Variants in NEO1 observed in about 807,000 individuals in gnomAD.
NEO1 encodes neogenin.
A neutral mutation model predicts 159.7 loss-of-function variants in NEO1; 63 were observed. The observed-to-expected ratio is 0.39, with a 90% CI of 0.32 to 0.49. The LOEUF is 0.49. Ranked by LOEUF, NEO1 falls within the 20% of genes least tolerant of loss-of-function variation. NEO1 has a pLI of 0.85. For synonymous variants in NEO1, 633 were observed against 662.0 expected (o/e 0.96, Z 0.67); for missense variants, 1,615 against 1,831.0 (o/e 0.88, Z 2.15).
At chr15:73,104,001 C>T (rs1009269987) in intron 1 of NEO1, among the ~76,000 whole-genome samples, 11 of 152,186 alleles carry the variant, frequency 7.2e-5, no homozygotes, top group African/African-American at 2.6e-4. Context: ...ACTACAGGCA[C>T]ATGCCACTGT....
intron 7 of NEO1, among the ~76,000 whole-genome samples, chr15:73,224,278 CAGTGTGCTTA>C (rs2038451769): frequency 1.3e-5 from 2 of 152,168 alleles, no homozygotes; most frequent in African/African-American, 4.8e-5. Context: ...ACACTGATGA[CAGTGTGCTTA>C]GGTGATGATC....
intron 13 of NEO1, among the ~76,000 whole-genome samples, chr15:73,256,748 T>C (rs1265017971): frequency 6.6e-6 from 1 of 152,074 alleles, no homozygotes; most frequent in East Asian, 1.9e-4. Context: ...CTGCAGTAGA[T>C]GGTGCTGAGA....
chr15:73,284,816 G>A (rs1157975043), intron 23 of NEO1, among the ~76,000 whole-genome samples: 7 of 151,882 alleles, frequency 4.6e-5, no homozygotes, highest in Non-Finnish European at 8.8e-5. Flanking sequence ...TCGAATTCCC[G>A]ACCTCAAATG....
In NEO1 at chr15:73,113,424, A is replaced by G. The variant is rs1461861049; in HGVS notation, c.131-3116A>G. 3.9e-5 allele frequency among the ~76,000 whole-genome samples: 6 copies of G among 152,200 alleles called. 1 individual carries two copies. Among genetic ancestry groups the G allele is most frequent in the Admixed American group, 2.6e-4 (4 of 15,280 alleles). The stretch of plus-strand genomic sequence containing the variant: ...TGGGAATATAGCAAATGAAAACTGT[A>G]CAAAGATAGATCATAAGCCTGCATT... On this transcript the variant is annotated intron_variant, in intron 1 of 28. Coordinates refer to ENST00000261908, the MANE Select transcript of NEO1 (RefSeq NM_002499.4).
chr15:73,278,098 G>C, intron 21 of NEO1, 33 bp from the exon 22 acceptor site: 2 of 1,588,124 alleles, frequency 1.3e-6, no homozygotes, highest in Non-Finnish European at 1.7e-6. Flanking sequence ...CAAATGTGTG[G>C]GGTCATTATT....
chr15:73,254,150 A>AC (rs1270649024), intron 12 of NEO1, among the ~76,000 whole-genome samples: 1 of 152,108 alleles, frequency 6.6e-6, no homozygotes, highest in East Asian at 1.9e-4. Context: ...TGATTATGCT[A>AC]CTACACTATA....
At chr15:73,135,855 A>T in intron 4 of NEO1, 36 bp from the exon 5 acceptor site, 1 of 1,459,062 alleles carries the variant, frequency 6.9e-7, no homozygotes, top group East Asian at 2.5e-5. Flanking sequence ...CCTAGTACTG[A>T]AATGTATCTT....
intron 22 of NEO1, among the ~76,000 whole-genome samples, chr15:73,279,641 G>A (rs1053195631): frequency 3.9e-5 from 6 of 152,050 alleles, no homozygotes; most frequent in Non-Finnish European, 5.9e-5. Context: ...GAGCCACCAC[G>A]CCCGGGGCCC....
At position 73,301,362 on chromosome 15, in the gene NEO1, G is replaced by C; in HGVS notation, c.4207G>C (p.Gly1403Arg). Residue 1403 changes from glycine (G) to arginine (R), a missense_variant, in exon 28 of 29, where the codon GGG becomes CGG. Coordinates refer to ENST00000261908, the MANE Select transcript of NEO1 (RefSeq NM_002499.4). The stretch of plus-strand genomic sequence containing the variant: ...TCACTCAGTGAAGACAGCCTCCATC[G>C]GGACTCTAGGAAGGAGCCGGCCTCC... ...HIHSVKTASI[G>R]TLGRSRPPMP... 1 of 1,614,128 alleles carries C rather than the reference G, an allele frequency of 6.2e-7. No homozygotes were observed. The highest frequency in any genetic ancestry group is 2.2e-5 in the East Asian group (1 of 44,884).
Position 73,249,066 on chromosome 15 carries a change from T to A in NEO1, c.1613T>A (p.Leu538His). The A allele has an allele frequency of 6.2e-7, 1 of 1,613,922 alleles. No individual in the cohort carries two copies. Among genetic ancestry groups the A allele is most frequent in the Non-Finnish European group, 8.5e-7 (1 of 1,179,886 alleles). ...CTCGAACTTTTCTTTCTAGTTCAGC[T>A]CCCTGGCCCAGCACCTAACCTTCGT... ...LRVETQPEVQ[L>H]PGPAPNLRAY... Residue 538 changes from leucine (L) to histidine (H), a missense_variant, in exon 10 of 29, where the codon CTC (leucine) becomes CAC (histidine). Leu to His is a moderately conservative substitution (Grantham distance 99). This residue lies in a region of NEO1 where 1,018 missense variants were observed against 1,115.4 expected (regional missense o/e 0.91). Transcript: ENST00000261908.
At chr15:73,168,886 G>GT (rs1319470525) in intron 5 of NEO1, among the ~76,000 whole-genome samples, 70 of 146,014 alleles carry the variant, frequency 4.8e-4, no homozygotes, top group Admixed American at 1.2e-3. Context: ...TATTTGTTGG[G>GT]TTTTTTTTTT....
intron 23 of NEO1, 52 bp from the exon 24 acceptor site, chr15:73,288,261 A>G (rs562132680): frequency 1.9e-6 from 3 of 1,541,822 alleles, no homozygotes; most frequent in South Asian, 1.1e-5. Context: ...CCTTTTGACA[A>G]ATACGTTCAA....
At chr15:73,132,909 G>A (rs1213893405) in intron 4 of NEO1, among the ~76,000 whole-genome samples, 1 of 152,066 alleles carries the variant, frequency 6.6e-6, no homozygotes, top group Non-Finnish European at 1.5e-5. Flanking sequence ...ATGGTGAAAA[G>A]GGAACACTTT....
At position 73,238,041 on chromosome 15, in the gene NEO1, G is replaced by A. The variant is rs79249889; in HGVS notation, c.1451+1535G>A. ...CCCTCGGTGACTGTCACACAGTGGG[G>A]TATCAGAGCCAGCCTGTTCCCAAGC... On this transcript the variant is annotated intron_variant, in intron 8 of 28. Coordinates refer to ENST00000261908, the MANE Select transcript of NEO1 (RefSeq NM_002499.4). 8.6e-3 allele frequency among the ~76,000 whole-genome samples: 1,306 copies of A among 152,128 alleles called. 22 individuals are homozygous for A. Among genetic ancestry groups the A allele is most frequent in the African/African-American group, 0.03 (1,234 of 41,468 alleles).
Position 73,253,465 on chromosome 15 carries a change from G to A in NEO1, c.1944+16G>A. ...AAATTCAAAGGTAAAACTGTATGAT[G>A]CTGCTGTTCATTTTTACTGGTATAC... On this transcript the variant is annotated intron_variant, in intron 12 of 28. Transcript: ENST00000261908. 1 of 1,583,508 alleles carries A rather than the reference G, an allele frequency of 6.3e-7. No individual in the cohort carries two copies. Among genetic ancestry groups the A allele is most frequent in the South Asian group, 1.2e-5 (1 of 84,588 alleles).
At chr15:73,065,234 G>C (rs535163899) in intron 1 of NEO1, among the ~76,000 whole-genome samples, 1 of 150,756 alleles carries the variant, frequency 6.6e-6, no homozygotes, top group South Asian at 2.1e-4. Flanking sequence ...TTTAGTTTTA[G>C]TTATTTAAAT....
Position 73,298,591 on chromosome 15 carries a change from C to T in NEO1, c.4145C>T (p.Thr1382Ile), listed in dbSNP as rs749689879. Residue 1382 changes from threonine (T) to isoleucine (I), a missense_variant, in exon 27 of 29, where the codon ACA (threonine) becomes ATA (isoleucine). Transcript: ENST00000261908. ...PPTYDPALPS[T>I]PLLSQQALNH... Reference sequence around the variant, plus strand: ...ACCTATGATCCTGCATTGCCAAGCACACCATTACTGTCCCAGCAAGGTGAG... The same window carrying T: ...ACCTATGATCCTGCATTGCCAAGCATACCATTACTGTCCCAGCAAGGTGAG... 1 of 1,614,216 alleles carries T rather than the reference C, an allele frequency of 6.2e-7. No homozygotes were observed. The highest frequency in any genetic ancestry group is 1.7e-5 in the Admixed American group (1 of 60,032).
At chr15:73,244,801 A>C (rs568308602) in intron 9 of NEO1, among the ~76,000 whole-genome samples, 1 of 151,592 alleles carries the variant, frequency 6.6e-6, no homozygotes, top group South Asian at 2.1e-4. Flanking sequence ...AAATACAAAA[A>C]TTAGCCGGGT....
intron 5 of NEO1, among the ~76,000 whole-genome samples, chr15:73,159,379 G>A (rs949296622): frequency 7.3e-5 from 11 of 151,208 alleles, no homozygotes; most frequent in African/African-American, 1.2e-4. Flanking sequence ...TTTTCCTCCA[G>A]TGTTTAAGAT....
Sources: gnomAD v4.1 joint callset for allele counts (sites outside exome capture counted in the v4.1 genomes callset) on GRCh38, gnomAD v4.1.1 for gene constraint, gnomAD v4.1.1 regional missense constraint, MANE v1.5 for transcripts, NCBI Gene and HGNC (gene_info 2026-07-23, HGNC 2026-07-21) for gene names.